The following KIAA1328 variants were observed in gnomAD, a reference collection of about 807,000 sequenced individuals.
KIAA1328 encodes the protein KIAA1328.
KIAA1328 carries 52 observed loss-of-function variants against 68.1 expected under a neutral mutation model. The observed-to-expected ratio is 0.76, with a 90% CI of 0.61 to 0.96. The LOEUF (loss-of-function observed/expected upper bound fraction) is 0.96. KIAA1328 is among the 40% of genes least tolerant of loss of function. The pLI is 0.00. For synonymous variants in KIAA1328, 232 were observed against 239.4 expected, an observed-to-expected ratio of 0.97 and a Z score of 0.28; for missense variants, 641 against 677.6, an observed-to-expected ratio of 0.95 and a Z score of 0.60.
chr18:36,940,182 C>G (rs1568189010), intron 5 of KIAA1328, among the ~76,000 whole-genome samples: 2 of 152,146 alleles, frequency 1.3e-5, no homozygotes, highest in South Asian at 4.1e-4. Flanking sequence ...AGAAATGGAA[C>G]CTAGAATTTT....
intron 5 of KIAA1328, among the ~76,000 whole-genome samples, chr18:36,936,542 C>T (rs144024399): frequency 0.14 from 20,717 of 152,176 alleles, 1,762 homozygotes; most frequent in Admixed American, 0.18. Context: ...GGTTCCATGT[C>T]TTTGCTATTG....
At chr18:36,884,911 A>G (rs2150980747) in intron 4 of KIAA1328, among the ~76,000 whole-genome samples, 1 of 151,688 alleles carries the variant, frequency 6.6e-6, no homozygotes, top group African/African-American at 2.4e-5. Context: ...TTTTGGTATG[A>G]TTAAGTTGGA....
At chr18:37,103,419 A>G (rs1347305172) in intron 7 of KIAA1328, among the ~76,000 whole-genome samples, 1 of 152,180 alleles carries the variant, frequency 6.6e-6, no homozygotes, top group Non-Finnish European at 1.5e-5. Flanking sequence ...CAGTCTTTTC[A>G]ATAAACCATT....
chr18:37,084,861 C>G (rs2057056163), intron 7 of KIAA1328, among the ~76,000 whole-genome samples: 1 of 152,154 alleles, frequency 6.6e-6, no homozygotes, highest in South Asian at 2.1e-4. Flanking sequence ...TGATTGCTGG[C>G]CTAGCGGCTA....
chr18:37,207,946 A>T (rs1191327580), intron 9 of KIAA1328, among the ~76,000 whole-genome samples: 2 of 152,090 alleles, frequency 1.3e-5, no homozygotes, highest in Admixed American at 6.5e-5. Flanking sequence ...AGTAGCTGGG[A>T]TTACAGGCAT....
chr18:37,090,053 C>A (rs1478977921), intron 7 of KIAA1328, among the ~76,000 whole-genome samples: 1 of 152,120 alleles, frequency 6.6e-6, no homozygotes, highest in Non-Finnish European at 1.5e-5. Context: ...TGCAGGAAGG[C>A]AGCAATGTAA....
chr18:37,019,079 T>G (rs2054250267), intron 6 of KIAA1328, among the ~76,000 whole-genome samples: 1 of 152,224 alleles, frequency 6.6e-6, no homozygotes, highest in Non-Finnish European at 1.5e-5. Context: ...GTAATTATTT[T>G]TGTGCAGGCA....
chr18:36,892,401 A>G (rs987508118), intron 5 of KIAA1328, among the ~76,000 whole-genome samples: 3 of 152,184 alleles, frequency 2.0e-5, no homozygotes, highest in Admixed American at 6.5e-5. Context: ...GGAAGAAGAA[A>G]GGGTATTTTG....
rs140216606 is a variant in KIAA1328 at position 36,981,952 on chromosome 18, T to G, written c.576+22517T>G. Among the ~76,000 whole-genome samples, 12 of 151,340 alleles carry G rather than the reference T, an allele frequency of 7.9e-5. No homozygotes were observed. In the East Asian group the frequency reaches 2.3e-3, roughly 29 times the overall value. On this transcript the variant is annotated intron_variant, in intron 6 of 9. Transcript: ENST00000280020. Reference sequence around the variant, plus strand: ...AATAACAAAAATACACTGGATCGGATTAATGGGAGATTAGACATTGCAGAA... The same window carrying G: ...AATAACAAAAATACACTGGATCGGAGTAATGGGAGATTAGACATTGCAGAA...
chr18:37,048,338 G>A (rs956004413), intron 6 of KIAA1328, among the ~76,000 whole-genome samples: 2 of 152,088 alleles, frequency 1.3e-5, no homozygotes, highest in Admixed American at 6.5e-5. Context: ...TCTTCTGAAT[G>A]TAATGCTGTA....
At chr18:36,999,560 T>G (rs1048732975) in intron 6 of KIAA1328, among the ~76,000 whole-genome samples, 1 of 152,058 alleles carries the variant, frequency 6.6e-6, no homozygotes, top group Non-Finnish European at 1.5e-5. Context: ...CCCAACAGAC[T>G]AACAGTGGAT....
rs376787535 is a variant in KIAA1328, at chr18:36,961,135, C to G, written c.576+1700C>G. Among the ~76,000 whole-genome samples the G allele has an allele frequency of 3.3e-5, 5 of 152,252 alleles. No homozygotes were observed. In the East Asian group the frequency reaches 7.7e-4, roughly 24 times the overall value. ...GAAGAACTTAAATGACCTGATGGAG[C>G]TGAAAACCATGGCACAAGAACCTTG... is the stretch of plus-strand genomic sequence containing the variant. On this transcript the variant is annotated intron_variant, in intron 6 of 9. Coordinates refer to ENST00000280020, the MANE Select transcript of KIAA1328 (RefSeq NM_020776.3).
At chr18:36,865,536 G>C (rs1452881150) in intron 4 of KIAA1328, among the ~76,000 whole-genome samples, 1 of 152,186 alleles carries the variant, frequency 6.6e-6, no homozygotes, top group Non-Finnish European at 1.5e-5. Flanking sequence ...GACTTCGAGA[G>C]ATCTGCTTCC....
chr18:36,905,369 C>A (rs1435243105), intron 5 of KIAA1328, among the ~76,000 whole-genome samples: 1 of 151,974 alleles, frequency 6.6e-6, no homozygotes, highest in East Asian at 1.9e-4. Context: ...GCTTCGGTCT[C>A]CTGAAGTGCT....
chr18:37,188,828 A>G (rs952858129), intron 9 of KIAA1328, among the ~76,000 whole-genome samples: 7 of 152,374 alleles, frequency 4.6e-5, no homozygotes, highest in Middle Eastern at 3.4e-3. Context: ...TAGCAGGATT[A>G]TAACATTATA....
Position 37,083,205 on chromosome 18 carries a change from CA to C in KIAA1328, c.1232+15661del, listed in dbSNP as rs545342102. ...ATTGCTGCCATTTTTTCACTTTTCTCATAATTCCCTGATTTGGGCATTTTGC... is the reference window on the plus strand; with the variant it reads ...ATTGCTGCCATTTTTTCACTTTTCTCTAATTCCCTGATTTGGGCATTTTGC... On this transcript the variant is annotated intron_variant, in intron 7 of 9. Coordinates refer to ENST00000280020, the MANE Select transcript of KIAA1328 (RefSeq NM_020776.3). Among the ~76,000 whole-genome samples the C allele has an allele frequency of 6.6e-5, 10 of 152,298 alleles. No individual in the cohort carries two copies. In the East Asian group the frequency reaches 1.9e-3, roughly 29 times the overall value.
downstream of KIAA1328, among the ~76,000 whole-genome samples, chr18:37,228,328 T>C (rs2060649735): frequency 6.6e-6 from 1 of 152,202 alleles, no homozygotes; most frequent in Non-Finnish European, 1.5e-5. Context: ...TTTTGAAAGA[T>C]GTTCTACAGT....
chr18:37,201,272 T>C (rs1426908668), intron 9 of KIAA1328, among the ~76,000 whole-genome samples: 1 of 152,068 alleles, frequency 6.6e-6, no homozygotes, highest in African/African-American at 2.4e-5. Flanking sequence ...AAAAAGAAAA[T>C]CTGTATGCTA....
intron 9 of KIAA1328, among the ~76,000 whole-genome samples, chr18:37,198,928 T>C (rs543435596): frequency 6.6e-6 from 1 of 152,342 alleles, no homozygotes; most frequent in South Asian, 2.1e-4. Flanking sequence ...TTTGTGTCTA[T>C]ATTGGACCTG....
Sources: allele counts gnomAD v4.1 joint callset (sites outside exome capture counted in the v4.1 genomes callset), GRCh38; gene constraint gnomAD v4.1.1; transcripts MANE v1.5; gene names NCBI Gene and HGNC (gene_info 2026-07-23, HGNC 2026-07-21).